The following LIPJ variants were observed in gnomAD, a reference collection of about 807,000 sequenced individuals.
The protein encoded by LIPJ is lipase member J.
Under a neutral mutation model 39.8 loss-of-function variants are expected in LIPJ, and 33 were observed. The ratio of observed to expected loss-of-function variants is 0.83; its 90% CI spans 0.63 to 1.11. The LOEUF is 1.11. Ranked by LOEUF, LIPJ falls within the 50% of genes least tolerant of loss-of-function variation. LIPJ has a pLI of 0.00. For synonymous variants in LIPJ, 128 were observed against 139.2 expected (o/e 0.92, Z 0.57); for missense variants, 422 against 427.9 (o/e 0.99, Z 0.12).
Position 88,606,064 on chromosome 10 carries a change from A to G in LIPJ, c.867+360A>G, listed in dbSNP as rs111923421. 2.1e-3 allele frequency among the ~76,000 whole-genome samples: 327 copies of G among 152,282 alleles called. 1 individual carries two copies. Among genetic ancestry groups the G allele is most frequent in the African/African-American group, 7.4e-3 (306 of 41,576 alleles). On this transcript the variant is annotated intron_variant, in intron 10 of 10. Coordinates refer to ENST00000371939, the Ensembl canonical transcript of LIPJ. ...TATTCACCCTAAAACCAGTTATTCT[A>G]TTTGGAAAGATAAGAAAACATATAT...
At chr10:88,617,357 C>A in the LIPJ span, among the ~76,000 whole-genome samples, 121,485 of 151,164 alleles carry the variant, frequency 0.8, 49,439 homozygotes, top group East Asian at 0.99. Context: ...TTCAGAGGAA[C>A]CACTCAGTAA....
At chr10:88,621,214 A>C in the LIPJ span, among the ~76,000 whole-genome samples, 1 of 152,238 alleles carries the variant, frequency 6.6e-6, no homozygotes, top group South Asian at 2.1e-4. Context: ...GCAAATGTTT[A>C]TAGCAGCTTT....
chr10:88,584,224 C>G (rs1283729495), upstream of LIPJ: 1 of 151,788 alleles, frequency 6.6e-6, no homozygotes, highest in African/African-American at 2.4e-5. Context: ...CGAATTAATA[C>G]TAGATATATC....
chr10:88,603,291 CAGTT>C (rs1413961931), intron 9 of LIPJ, among the ~76,000 whole-genome samples: 7 of 152,244 alleles, frequency 4.6e-5, no homozygotes, highest in Admixed American at 2.0e-4. Context: ...GACCGGAACA[CAGTT>C]AGTTATCCTA....
rs2134556352 is a variant in LIPJ at position 88,595,918 on chromosome 10, C to T, written c.440-362C>T. Among the ~76,000 whole-genome samples the T allele has an allele frequency of 2.0e-5, 3 of 151,560 alleles. No homozygotes were observed. The South Asian group carries it at 6.2e-4, about 31-fold the overall frequency. On this transcript the variant is annotated intron_variant, in intron 6 of 10. Transcript: ENST00000371939. ...GATGGGACATTTATTAAGCCTGTCA[C>T]CTAAATTATAAGATTCATCTGTCTG... is the stretch of plus-strand genomic sequence containing the variant.
At chr10:88,593,861 G>A in intron 4 of LIPJ, 85 bp from the exon 5 acceptor site, 2 of 1,129,516 alleles carry the variant, frequency 1.8e-6, no homozygotes, top group Non-Finnish European at 2.5e-6. Context: ...AAACTGTCAT[G>A]TACTAAAAGT....
At chr10:88,593,969 C>G in exon 5 of LIPJ, 1 of 1,612,062 alleles carries the variant, frequency 6.2e-7, no homozygotes, top group Non-Finnish European at 8.5e-7. Context: ...TGTATACTTG[C>G]AACATGGTTT....
the LIPJ span, among the ~76,000 whole-genome samples, chr10:88,623,013 C>A: frequency 6.6e-6 from 1 of 152,070 alleles, no homozygotes; most frequent in East Asian, 1.9e-4. Context: ...ATCAACAATT[C>A]TCTTTAACTT....
chr10:88,598,977 TACAATAATATAAAATA>T (rs1851361732), intron 8 of LIPJ, among the ~76,000 whole-genome samples: 1 of 141,878 alleles, frequency 7.0e-6, no homozygotes, highest in African/African-American at 2.6e-5. Context: ...ATTATATTAT[TACAATAATATAAAATA>T]TTATATTATA....
intron 8 of LIPJ, 60 bp downstream of exon 8, chr10:88,596,996 A>G (rs1036145726): frequency 5.1e-6 from 5 of 974,564 alleles, no homozygotes; most frequent in African/African-American, 1.7e-5. Flanking sequence ...GTATAATAAT[A>G]ATAGTGCTTG....
chr10:88,593,738 C>G (rs894211713), intron 4 of LIPJ: 2 of 429,312 alleles, frequency 4.7e-6, no homozygotes, highest in Non-Finnish European at 8.3e-6. Context: ...TAATTGCTCA[C>G]TTGGTTATTT....
intron 4 of LIPJ, 96 bp from the exon 5 acceptor site, chr10:88,593,850 T>C (rs1851161674): frequency 2.9e-6 from 3 of 1,034,018 alleles, no homozygotes; most frequent in Non-Finnish European, 4.2e-6. Context: ...TTAAAATCTT[T>C]AAACTGTCAT....
chr10:88,620,521 G>T, the LIPJ span, among the ~76,000 whole-genome samples: 24 of 152,020 alleles, frequency 1.6e-4, no homozygotes. Flanking sequence ...TACTAAAGAA[G>T]ATATATAGAT....
At chr10:88,605,767 T>G in intron 10 of LIPJ, 63 bp downstream of exon 10, 8 of 1,001,860 alleles carry the variant, frequency 8.0e-6, no homozygotes, top group Non-Finnish European at 1.1e-5. Context: ...TTGCTATAGA[T>G]CAAGGATCAA....
At chr10:88,617,046 A>AT in the LIPJ span, among the ~76,000 whole-genome samples, 3 of 152,084 alleles carry the variant, frequency 2.0e-5, no homozygotes, top group Non-Finnish European at 2.9e-5. Flanking sequence ...CTGCTTTGTG[A>AT]TTTTGTAAAG....
chr10:88,591,367 T>C lies in LIPJ; in HGVS notation c.10-11T>C. ...ATTTTATGCTAAAAGATTTGCTTTTTCTTTATCTAGAGCCAGATTATTTCC... is the reference window on the plus strand; with the variant it reads ...ATTTTATGCTAAAAGATTTGCTTTTCCTTTATCTAGAGCCAGATTATTTCC... On this transcript the variant is annotated splice_polypyrimidine_tract_variant and intron_variant, in intron 3 of 10. Coordinates refer to ENST00000371939, the Ensembl canonical transcript of LIPJ. The C allele has an allele frequency of 6.3e-7, 1 of 1,575,366 alleles. No individual in the cohort carries two copies. The highest frequency in any genetic ancestry group is 2.3e-5 in the East Asian group (1 of 44,034).
At chr10:88,602,444 ATTTG>A (rs1461663641) in intron 8 of LIPJ, 128 bp from the exon 9 acceptor site, 16 of 536,462 alleles carry the variant, frequency 3.0e-5, no homozygotes, top group African/African-American at 1.2e-4. Flanking sequence ...TAATTTGATG[ATTTG>A]TTTATTAATA....
chr10:88,614,171 GTAA>G, the LIPJ span, among the ~76,000 whole-genome samples: 10 of 151,874 alleles, frequency 6.6e-5, no homozygotes, highest in Non-Finnish European at 1.3e-4. Context: ...AAATATTTTA[GTAA>G]TAATATTTCA....
chr10:88,608,366 A>G (rs1422290603), downstream of LIPJ, among the ~76,000 whole-genome samples: 1 of 152,244 alleles, frequency 6.6e-6, no homozygotes, highest in Non-Finnish European at 1.5e-5. Flanking sequence ...CAGGAAATAT[A>G]TGGGAAATCT....
Sources: allele counts gnomAD v4.1 joint callset (sites outside exome capture counted in the v4.1 genomes callset), GRCh38; gene constraint gnomAD v4.1.1; transcripts MANE v1.5; gene names NCBI Gene and HGNC (gene_info 2026-07-23, HGNC 2026-07-21).